ZNF438: variants seen among roughly 807,000 people sequenced by gnomAD.
ZNF438 encodes the protein zinc finger protein 438.
ZNF438 carries 25 observed loss-of-function variants against 38.0 expected under a neutral mutation model. That is an observed-to-expected ratio of 0.66 (90% CI 0.48 to 0.92). The LOEUF is 0.92. Among genes scored for constraint, ZNF438 ranks in the 40% least tolerant of loss-of-function variants. ZNF438 has a pLI of 0.00. For missense variants in ZNF438, 1,007 were observed against 999.6 expected (o/e 1.01, Z -0.10); for synonymous variants, 372 against 364.1 (o/e 1.02, Z -0.25).
At chr10:30,862,059 G>A (rs1409315010) in intron 4 of ZNF438, among the ~76,000 whole-genome samples, 1 of 152,064 alleles carries the variant, frequency 6.6e-6, no homozygotes, top group African/African-American at 2.4e-5. Flanking sequence ...TTGAAATTTG[G>A]ACCTTGACAA....
chr10:30,849,864 A>G (rs946650087), exon 5 of ZNF438: 8 of 1,614,070 alleles, frequency 5.0e-6, no homozygotes, highest in Non-Finnish European at 6.8e-6. Flanking sequence ...TGCTCTAGTG[A>G]TGGTACTTCC....
chr10:30,947,691 G>A (rs1387036425), intron 1 of ZNF438, among the ~76,000 whole-genome samples: 1 of 152,240 alleles, frequency 6.6e-6, no homozygotes, highest in African/African-American at 2.4e-5. Context: ...CGTGGGTGTA[G>A]GACCCTCCGA....
intron 1 of ZNF438, among the ~76,000 whole-genome samples, chr10:30,968,865 G>A (rs2050438787): frequency 6.6e-6 from 1 of 152,146 alleles, no homozygotes; most frequent in South Asian, 2.1e-4. Context: ...CCGTGGTTGG[G>A]ATCTGAAGAA....
At chr10:30,845,151 T>C (rs1408582029) in exon 6 of ZNF438, 2 of 1,614,186 alleles carry the variant, frequency 1.2e-6, no homozygotes, top group Admixed American at 1.7e-5. Context: ...GAGAAACGTG[T>C]GGAGGCCAGG....
chr10:30,993,955 C>T (rs1460811225), intron 1 of ZNF438, among the ~76,000 whole-genome samples: 6 of 152,208 alleles, frequency 3.9e-5, no homozygotes, highest in East Asian at 1.9e-4. Context: ...GTTGGGTTTT[C>T]GTTTTACATG....
chr10:30,887,061 G>A lies in ZNF438; in HGVS notation c.-31-9996C>T, dbSNP rs138430049. The stretch of plus-strand genomic sequence containing the variant: ...TCCCCTGTGAGCGTGTCTTTCATAC[G>A]CAAACCAACCAATCCAAAGCCCATA... On this transcript the variant is annotated intron_variant, in intron 3 of 5. Transcript: ENST00000413025. Among the ~76,000 whole-genome samples, 375 of 152,144 alleles carry A rather than the reference G, an allele frequency of 2.5e-3. 1 individual carries two copies. Among genetic ancestry groups the A allele is most frequent in the African/African-American group, 8.1e-3 (334 of 41,480 alleles).
chr10:30,950,318 C>T (rs2048015744), intron 1 of ZNF438, among the ~76,000 whole-genome samples: 1 of 151,634 alleles, frequency 6.6e-6, no homozygotes, highest in South Asian at 2.1e-4. Flanking sequence ...AATTGACACC[C>T]TAACATCACA....
chr10:30,906,216 G>C (rs1177174522), intron 3 of ZNF438, among the ~76,000 whole-genome samples: 1 of 152,034 alleles, frequency 6.6e-6, no homozygotes, highest in African/African-American at 2.4e-5. Flanking sequence ...CACTTATTTA[G>C]GTATTTAATT....
At chr10:30,862,159 C>T (rs1004621972) in intron 4 of ZNF438, among the ~76,000 whole-genome samples, 4 of 152,184 alleles carry the variant, frequency 2.6e-5, no homozygotes, top group Non-Finnish European at 5.9e-5. Flanking sequence ...CCTTCCAGAA[C>T]ATTCTGACAT....
At chr10:30,854,577 AT>A (rs1340244536) in intron 4 of ZNF438, among the ~76,000 whole-genome samples, 1 of 152,230 alleles carries the variant, frequency 6.6e-6, no homozygotes, top group Non-Finnish European at 1.5e-5. Flanking sequence ...ACATTTCCAT[AT>A]TTTGAAAATT....
At position 31,027,788 on chromosome 10, in the gene ZNF438, G is replaced by C. The variant is rs368340319; in HGVS notation, c.-192+4045C>G. Among the ~76,000 whole-genome samples, 26 of 152,196 alleles carry C rather than the reference G, an allele frequency of 1.7e-4. 1 individual carries two copies. In the East Asian group the frequency reaches 3.7e-3, roughly 21 times the overall value. On this transcript the variant is annotated intron_variant, in intron 1 of 5. Coordinates refer to ENST00000413025, the Ensembl canonical transcript of ZNF438. ...CCCTCTACATTTACGTTAGTAGAGG[G>C]CTTCTGTTTAGAGTAATCATAGATC... is the stretch of plus-strand genomic sequence containing the variant.
At chr10:30,877,731 G>A (rs1342397660) in intron 3 of ZNF438, among the ~76,000 whole-genome samples, 1 of 152,104 alleles carries the variant, frequency 6.6e-6, no homozygotes, top group Non-Finnish European at 1.5e-5. Context: ...GTATAATGTA[G>A]TGTTCCATAT....
chr10:31,004,263 T>C (rs2054919236), intron 1 of ZNF438, among the ~76,000 whole-genome samples: 1 of 152,126 alleles, frequency 6.6e-6, no homozygotes, highest in African/African-American at 2.4e-5. Flanking sequence ...GATGACAAAC[T>C]CTGGGCTAGA....
intron 1 of ZNF438, among the ~76,000 whole-genome samples, chr10:30,959,684 C>T (rs1300257703): frequency 6.9e-6 from 1 of 145,738 alleles, no homozygotes; most frequent in South Asian, 2.2e-4. Flanking sequence ...GGAGGCGGAG[C>T]TTGTAATGAG....
intron 1 of ZNF438, among the ~76,000 whole-genome samples, chr10:31,011,715 AC>A (rs2055720658): frequency 6.6e-6 from 1 of 152,182 alleles, no homozygotes; most frequent in African/African-American, 2.4e-5. Flanking sequence ...TTATTTGTGA[AC>A]CACCATCTCT....
chr10:30,923,305 C>T (rs143847714), intron 2 of ZNF438: 1 of 152,276 alleles, frequency 6.6e-6, no homozygotes, highest in Non-Finnish European at 1.5e-5. Flanking sequence ...TGTCTAATTT[C>T]CATGACCTCA....
chr10:30,998,734 C>A (rs2054332089), intron 1 of ZNF438, among the ~76,000 whole-genome samples: 1 of 152,058 alleles, frequency 6.6e-6, no homozygotes, highest in Admixed American at 6.6e-5. Context: ...TGAAAACACA[C>A]CGATCTCTTT....
chr10:30,874,326 T>G (rs2038076755), intron 4 of ZNF438, among the ~76,000 whole-genome samples: 1 of 151,744 alleles, frequency 6.6e-6, no homozygotes, highest in South Asian at 2.1e-4. Context: ...TTTTGAAATT[T>G]TTTTGTAGAG....
upstream of ZNF438, chr10:31,032,072 C>T (rs1333104876): frequency 6.6e-6 from 1 of 152,270 alleles, no homozygotes. Flanking sequence ...GCTTCGCCGA[C>T]CGGGGCGCCT....
Sources: gnomAD v4.1 joint callset for allele counts (sites outside exome capture counted in the v4.1 genomes callset) on GRCh38, gnomAD v4.1.1 for gene constraint, MANE v1.5 for transcripts, NCBI Gene and HGNC (gene_info 2026-07-23, HGNC 2026-07-21) for gene names.